Variants in CSMD3 observed in about 807,000 individuals in gnomAD.
CSMD3 encodes CUB and sushi domain-containing protein 3.
In CSMD3, 177 loss-of-function variants were observed where a neutral mutation model predicts 435.2. The observed-to-expected ratio is 0.41, with a 90% CI of 0.36 to 0.46. CSMD3 has a LOEUF of 0.46. CSMD3 is among the 20% of genes least tolerant of loss of function. The probability of loss-of-function intolerance (pLI) is 0.34; values close to 1 mark genes in which losing one functional copy is unlikely to be tolerated. For missense variants in CSMD3, 4,265 were observed against 4,504.6 expected, an observed-to-expected ratio of 0.95 and a Z score of 1.52; for synonymous variants, 1,656 against 1,520.5, an observed-to-expected ratio of 1.09 and a Z score of -2.07.
chr8:113,250,188 C>T (rs72670712), intron 3 of CSMD3, among the ~76,000 whole-genome samples: 15,036 of 151,980 alleles, frequency 0.099, 1,121 homozygotes, highest in African/African-American at 0.2. Flanking sequence ...TTTTTTTACA[C>T]ATTTATTTGA....
At chr8:112,747,970 A>AAAAAAAAAAAAAAAAAC (rs2077477346) in intron 13 of CSMD3, among the ~76,000 whole-genome samples, 1 of 150,462 alleles carries the variant, frequency 6.6e-6, no homozygotes, top group South Asian at 2.1e-4. Context: ...CTCAAAAAAA[A>AAAAAAAAAAAAAAAAAC]AAAAAAAAAA....
At chr8:112,275,194 A>G (rs1024639488) in intron 59 of CSMD3, among the ~76,000 whole-genome samples, 1 of 152,134 alleles carries the variant, frequency 6.6e-6, no homozygotes, top group African/African-American at 2.4e-5. Flanking sequence ...AACTATATGT[A>G]TAAGTACATT....
intron 18 of CSMD3, 129 bp from the exon 19 acceptor site, chr8:112,650,478 T>A: frequency 1.3e-6 from 1 of 764,646 alleles, no homozygotes; most frequent in East Asian, 2.7e-5. Flanking sequence ...ACTTCATTTT[T>A]AAAATCAGCA....
intron 2 of CSMD3, among the ~76,000 whole-genome samples, chr8:113,302,247 A>AT (rs2093775682): frequency 1.4e-5 from 2 of 139,756 alleles, no homozygotes; most frequent in Admixed American, 7.9e-5. Flanking sequence ...ATAATATAAT[A>AT]TATATTATAT....
chr8:113,345,205 C>A (rs1048663863), intron 1 of CSMD3, among the ~76,000 whole-genome samples: 1 of 151,890 alleles, frequency 6.6e-6, no homozygotes, highest in Admixed American at 6.6e-5. Context: ...GTCTATAAAC[C>A]CAACCTACTT....
chr8:112,322,708 C>G (rs913937466), intron 45 of CSMD3, among the ~76,000 whole-genome samples: 1 of 152,064 alleles, frequency 6.6e-6, no homozygotes, highest in Admixed American at 6.6e-5. Flanking sequence ...CCTCCCTTTC[C>G]CACTCCTCAC....
chr8:112,349,839 G>A (rs117062251), intron 40 of CSMD3, among the ~76,000 whole-genome samples: 1,752 of 152,160 alleles, frequency 0.012, 17 homozygotes, highest in Non-Finnish European at 0.019. Context: ...AAAAAGAATT[G>A]TGTGCATTTT....
At chr8:113,006,203 A>G (rs966533387) in intron 6 of CSMD3, among the ~76,000 whole-genome samples, 8 of 152,078 alleles carry the variant, frequency 5.3e-5, no homozygotes, top group Non-Finnish European at 8.8e-5. Context: ...GTTTGTGCAT[A>G]CGTCCTGGAT....
In CSMD3 at chr8:112,976,193, TTTTG is replaced by T. The variant is rs1259666584; in HGVS notation, c.1031-49_1031-46del. The T allele has an allele frequency of 3.8e-6, 6 of 1,598,156 alleles. No homozygotes were observed. The Admixed American group carries it at 6.7e-5, about 18-fold the overall frequency. Reference sequence around the variant, plus strand: ...TAGATGCTAACTTTTTCTTTTTAAATTTTGTTTATTTTTTCTGATAAATTTAATC... The same window carrying T: ...TAGATGCTAACTTTTTCTTTTTAAATTTTATTTTTTCTGATAAATTTAATC... On this transcript the variant is annotated intron_variant, in intron 6 of 70. Coordinates refer to ENST00000297405, the MANE Select transcript of CSMD3 (RefSeq NM_198123.2).
chr8:112,782,205 G>C (rs1191476273), intron 13 of CSMD3, among the ~76,000 whole-genome samples: 1 of 139,014 alleles, frequency 7.2e-6, no homozygotes, highest in Non-Finnish European at 1.5e-5. Context: ...GAAGGAATTA[G>C]AATCCTACCA....
chr8:112,330,381 T>C (rs1823918983), intron 45 of CSMD3, among the ~76,000 whole-genome samples: 1 of 152,136 alleles, frequency 6.6e-6, no homozygotes, highest in Non-Finnish European at 1.5e-5. Context: ...AAGAAAATCT[T>C]CCACTTACAA....
At chr8:112,316,958 T>C (rs1822536530) in intron 47 of CSMD3, among the ~76,000 whole-genome samples, 1 of 151,964 alleles carries the variant, frequency 6.6e-6, no homozygotes, top group African/African-American at 2.4e-5. Flanking sequence ...AAAAACGATG[T>C]AGGTTAATTC....
intron 13 of CSMD3, among the ~76,000 whole-genome samples, chr8:112,743,952 G>A (rs149880294): frequency 3.6e-4 from 54 of 151,860 alleles, no homozygotes; most frequent in Admixed American, 2.3e-3. Flanking sequence ...TGATATAACC[G>A]CCAGGTAAAA....
intron 32 of CSMD3, among the ~76,000 whole-genome samples, chr8:112,410,963 C>A (rs1243149048): frequency 1.3e-5 from 2 of 149,900 alleles, no homozygotes; most frequent in Non-Finnish European, 3.0e-5. Context: ...TTTGGGAAAT[C>A]ATTAAGGAAA....
chr8:112,763,821 T>A (rs1031105870), intron 13 of CSMD3, among the ~76,000 whole-genome samples: 4 of 151,174 alleles, frequency 2.6e-5, no homozygotes, highest in African/African-American at 4.8e-5. Context: ...AGAATACACA[T>A]TGGGCTCTGG....
At chr8:112,998,262 T>C (rs1293983666) in intron 6 of CSMD3, among the ~76,000 whole-genome samples, 1 of 151,940 alleles carries the variant, frequency 6.6e-6, no homozygotes, top group Non-Finnish European at 1.5e-5. Flanking sequence ...GGAAGAATTA[T>C]CCTTTTATCA....
intron 2 of CSMD3, chr8:113,309,111 G>A (rs1016233748): frequency 6.6e-6 from 1 of 152,046 alleles, no homozygotes; most frequent in African/African-American, 2.4e-5. Flanking sequence ...ACCACACCCA[G>A]CTAATTTTTC....
At chr8:113,406,235 A>G (rs1274139244) in intron 1 of CSMD3, among the ~76,000 whole-genome samples, 1 of 151,946 alleles carries the variant, frequency 6.6e-6, no homozygotes, top group African/African-American at 2.4e-5. Context: ...CTGATACTTA[A>G]TGATAAAATG....
chr8:113,302,322 A>T (rs1400011927), intron 2 of CSMD3, among the ~76,000 whole-genome samples: 1 of 141,378 alleles, frequency 7.1e-6, no homozygotes, highest in African/African-American at 2.7e-5. Context: ...TATATATAAT[A>T]ATATAATATA....
Sources: allele counts gnomAD v4.1 joint callset (sites outside exome capture counted in the v4.1 genomes callset), GRCh38; gene constraint gnomAD v4.1.1; transcripts MANE v1.5; gene names NCBI Gene and HGNC (gene_info 2026-07-23, HGNC 2026-07-21).